Variants in KNSTRN observed in about 807,000 individuals in gnomAD.
KNSTRN encodes small kinetochore-associated protein.
Under a neutral mutation model 44.7 loss-of-function variants are expected in KNSTRN, and 38 were observed. The observed-to-expected ratio is 0.85, with a 90% CI of 0.66 to 1.11. The LOEUF is 1.11. KNSTRN is among the 50% of genes most tolerant of loss of function. KNSTRN has a pLI of 0.00. For synonymous variants in KNSTRN, 158 were observed against 148.1 expected (o/e 1.07, Z -0.48); for missense variants, 406 against 375.8 (o/e 1.08, Z -0.66).
rs61358345 is a variant in KNSTRN, at chr15:40,391,226, T to A, written c.686-267T>A. On this transcript the variant is annotated intron_variant, in intron 6 of 8. Transcript: ENST00000249776. ...AAAAATCCAACCTATACATTTCCTT[T>A]GGACAAATTGTCCACTGACCTAAGG... Among the ~76,000 whole-genome samples, 192 of 152,366 alleles carry A rather than the reference T, an allele frequency of 1.3e-3. No individual in the cohort carries two copies. The highest frequency in any genetic ancestry group is 4.5e-3 in the African/African-American group (187 of 41,590).
At position 40,393,632 on chromosome 15, in the gene KNSTRN, C is replaced by A; in HGVS notation, c.*35C>A. ...AGTGGCCAGATGGCTCCCTCTTGGGCATAAAATCTCAGAGGAAGCTACTTA... is the reference window on the plus strand; with the variant it reads ...AGTGGCCAGATGGCTCCCTCTTGGGAATAAAATCTCAGAGGAAGCTACTTA... On this transcript the variant is annotated 3_prime_UTR_variant, in exon 9 of 9. Coordinates refer to ENST00000249776, the MANE Select transcript of KNSTRN (RefSeq NM_033286.4). 1.3e-6 allele frequency: 2 copies of A among 1,591,762 alleles called. No homozygotes were observed. Among genetic ancestry groups the A allele is most frequent in the South Asian group, 1.1e-5 (1 of 88,546 alleles).
intron 1 of KNSTRN, 40 bp downstream of exon 1, chr15:40,383,084 G>A: frequency 1.2e-6 from 2 of 1,602,066 alleles, no homozygotes; most frequent in Non-Finnish European, 1.7e-6. Context: ...CTGGATGGGA[G>A]GAAGGACGGA....
At chr15:40,392,704 G>A (rs772162526) in intron 8 of KNSTRN, among the ~76,000 whole-genome samples, 2 of 152,172 alleles carry the variant, frequency 1.3e-5, no homozygotes, top group Non-Finnish European at 2.9e-5. Flanking sequence ...TCCGCCTCCC[G>A]GGTTCAAGCG....
At chr15:40,389,255 T>G (rs1389780152) in intron 4 of KNSTRN, 1 of 495,610 alleles carries the variant, frequency 2.0e-6, no homozygotes, top group Non-Finnish European at 3.9e-6. Context: ...TTCAAGCGAT[T>G]ATCCTGCCTC....
intron 6 of KNSTRN, among the ~76,000 whole-genome samples, chr15:40,391,259 A>G (rs1000111067): frequency 1.3e-5 from 2 of 152,248 alleles, no homozygotes; most frequent in Non-Finnish European, 2.9e-5. Context: ...AGGAGAAAGT[A>G]TACCGAATTT....
In KNSTRN at chr15:40,382,951, A is replaced by T; in HGVS notation, c.116A>T (p.Gln39Leu). ...TACCGGAAGTTTCTATTTGAAACCC[A>T]GGCGGCCGACTTAGCCGGTGGCACG... ...PSYRKFLFET[Q>L]AADLAGGTTV... is the part of the protein sequence containing the mutation. The change falls in exon 1 of 9, where the codon CAG becomes CTG. Residue 39 changes from glutamine (Q) to leucine (L), a missense_variant. Physicochemically the swap from Gln to Leu is moderately radical, Grantham distance 113. Coordinates refer to ENST00000249776, the MANE Select transcript of KNSTRN (RefSeq NM_033286.4). The T allele has an allele frequency of 6.2e-7, 1 of 1,612,284 alleles. No homozygotes were observed. The highest frequency in any genetic ancestry group is 1.1e-5 in the South Asian group (1 of 91,000).
At position 40,389,512 on chromosome 15, in the gene KNSTRN, A is replaced by C. The variant is rs1268116187; in HGVS notation, c.492A>C (p.Lys164Asn). 6.2e-7 allele frequency: 1 copy of C among 1,612,862 alleles called. No individual in the cohort carries two copies. The highest frequency in any genetic ancestry group is 2.2e-5 in the East Asian group (1 of 44,882). The part of the protein sequence containing the change: ...ATRRNVRKGY[K>N]PLSKQKSEEE... ...AGTACAACTATTATTACAGCTACAA[A>C]CCACTGAGTAAGCAAAAATCAGAGG... The change falls in exon 5 of 9, where the codon AAA (lysine) becomes AAC (asparagine). Residue 164 changes from lysine to asparagine, a missense_variant. Physicochemically the swap from Lys to Asn is moderately conservative, Grantham distance 94 (BLOSUM62 0). Transcript: ENST00000249776.
At chr15:40,388,438 C>T (rs953771367) in intron 4 of KNSTRN, among the ~76,000 whole-genome samples, 3 of 152,170 alleles carry the variant, frequency 2.0e-5, no homozygotes, top group Admixed American at 6.5e-5. Context: ...CAGTGGCTCA[C>T]GCCTGTAATC....
chr15:40,388,809 A>C (rs1364777715), intron 4 of KNSTRN, among the ~76,000 whole-genome samples: 3 of 152,200 alleles, frequency 2.0e-5, no homozygotes, highest in African/African-American at 7.2e-5. Context: ...GCCTTTATGA[A>C]CATGTTACAG....
At chr15:40,387,258 A>C in intron 4 of KNSTRN, 52 bp downstream of exon 4, 994 of 1,327,978 alleles carry the variant, frequency 7.5e-4, no homozygotes, top group Non-Finnish European at 1.0e-3. Context: ...AGTGGATCTC[A>C]ATCCTTGGTT....
chr15:40,393,268 G>T, intron 8 of KNSTRN: 1 of 1,613,352 alleles, frequency 6.2e-7, no homozygotes, highest in Non-Finnish European at 8.5e-7. Flanking sequence ...CAGGAGTCTA[G>T]TCCCTCTCTA....
rs868438023 is a variant in KNSTRN, at chr15:40,382,906, C to T, written c.71C>T (p.Ser24Phe). 1.2e-6 allele frequency: 2 copies of T among 1,612,282 alleles called. No individual in the cohort carries two copies. Among genetic ancestry groups the T allele is most frequent in the Non-Finnish European group, 1.7e-6 (2 of 1,180,026 alleles). ...ACATGGCTGTCTACAGAGTGCGATT[C>T]CCACCCACTTCCGCCTAGCTACCGG... The part of the protein sequence containing the change: ...RTTWLSTECD[S>F]HPLPPSYRKF... The change falls in exon 1 of 9, where the codon TCC (serine) becomes TTC (phenylalanine). Residue 24 changes from serine to phenylalanine, a missense_variant. Physicochemically the swap from Ser to Phe is radical, Grantham distance 155. Transcript: ENST00000249776.
intron 6 of KNSTRN, among the ~76,000 whole-genome samples, chr15:40,390,242 T>C (rs1026943597): frequency 6.6e-6 from 1 of 152,248 alleles, no homozygotes; most frequent in Non-Finnish European, 1.5e-5. Flanking sequence ...AGGGAGAACA[T>C]TTTCTGTCTC....
chr15:40,388,497 A>G (rs1308021222), intron 4 of KNSTRN, among the ~76,000 whole-genome samples: 1 of 152,088 alleles, frequency 6.6e-6, no homozygotes, highest in African/African-American at 2.4e-5. Context: ...TCAGGAGACC[A>G]TCCTGGTTAA....
intron 8 of KNSTRN, among the ~76,000 whole-genome samples, chr15:40,392,339 A>C: frequency 6.6e-6 from 1 of 152,062 alleles, no homozygotes. Context: ...TTCTTGATGC[A>C]CTTCCTCCTC....
At chr15:40,390,683 C>T (rs879331018) in intron 6 of KNSTRN, among the ~76,000 whole-genome samples, 7 of 150,730 alleles carry the variant, frequency 4.6e-5, no homozygotes, top group Non-Finnish European at 7.4e-5. Flanking sequence ...GGTGTGATTT[C>T]GGCTCACTGA....
chr15:40,391,095 G>T (rs967314088), intron 6 of KNSTRN, among the ~76,000 whole-genome samples: 1 of 152,016 alleles, frequency 6.6e-6, no homozygotes, highest in Non-Finnish European at 1.5e-5. Context: ...TAAATATTTT[G>T]TATGATTTTA....
chr15:40,390,549 G>A (rs1320272165), intron 6 of KNSTRN, among the ~76,000 whole-genome samples: 5 of 152,180 alleles, frequency 3.3e-5, no homozygotes, highest in Non-Finnish European at 5.9e-5. Context: ...AGGGGCCCAG[G>A]CCTTTTTGTA....
chr15:40,382,967 CG>C lies in KNSTRN; in HGVS notation c.134del (p.Gly45ValfsTer11). On this transcript the variant is annotated frameshift_variant, in exon 1 of 9. Coordinates refer to ENST00000249776, the MANE Select transcript of KNSTRN (RefSeq NM_033286.4). LOFTEE classifies it high-confidence loss of function. ...LFETQAADLA[G>X]GTTVAAGNLL... ...TTGAAACCCAGGCGGCCGACTTAGC[CG>C]GTGGCACGACAGTTGCTGCAGGGAA... The C allele has an allele frequency of 6.2e-7, 1 of 1,612,264 alleles. No homozygotes were observed.
Sources: allele counts gnomAD v4.1 joint callset (sites outside exome capture counted in the v4.1 genomes callset), GRCh38; gene constraint gnomAD v4.1.1; transcripts MANE v1.5; gene names NCBI Gene and HGNC (gene_info 2026-07-23, HGNC 2026-07-21).